The following FANCA variants were observed in gnomAD, a reference collection of about 807,000 sequenced individuals.
The protein encoded by FANCA is Fanconi anemia group A protein.
In FANCA, 236 loss-of-function variants were observed where a neutral mutation model predicts 194.3. The observed-to-expected ratio is 1.21, with a 90% CI of 1.09 to 1.35. The LOEUF is 1.35. FANCA is among the 40% of genes most tolerant of loss of function. The pLI is 0.00. For synonymous variants in FANCA, 1,014 were observed against 715.8 expected, an observed-to-expected ratio of 1.42 and a Z score of -6.65; for missense variants, 2,628 against 1,813.9, an observed-to-expected ratio of 1.45 and a Z score of -8.15.
At chr16:89,748,616 G>A (rs1441646015) in intron 33 of FANCA, 43 bp downstream of exon 33, 1 of 1,459,938 alleles carries the variant, frequency 6.8e-7, no homozygotes, top group Non-Finnish European at 9.6e-7. Flanking sequence ...TAGCGCCACA[G>A]GCACTGACAG....
Position 89,744,319 on chromosome 16 carries a change from T to C in FANCA, c.3626+640A>G, listed in dbSNP as rs17233644. Among the ~76,000 whole-genome samples, 4 of 152,194 alleles carry C rather than the reference T, an allele frequency of 2.6e-5. No homozygotes were observed. In the East Asian group the frequency reaches 7.7e-4, roughly 29 times the overall value. ...AAGGAGGCAGGATGGGTACTAGCAG[T>C]GCCCTCTGACGACCCCTTAAGAACA... On this transcript the variant is annotated intron_variant, in intron 36 of 42. Transcript: ENST00000389301.
intron 31 of FANCA, among the ~76,000 whole-genome samples, chr16:89,750,611 A>T (rs1478019393): frequency 1.3e-5 from 2 of 151,866 alleles, no homozygotes; most frequent in Admixed American, 6.6e-5. Context: ...CAACAAAATT[A>T]GCCATACAAA....
chr16:89,755,322 TGCC>T (rs76320230), intron 30 of FANCA, among the ~76,000 whole-genome samples: 9,029 of 152,060 alleles, frequency 0.059, 404 homozygotes, highest in East Asian at 0.22. Flanking sequence ...GCAAGTCTCC[TGCC>T]GCCTCAGCCT....
chr16:89,806,609 T>G (rs2040658004), intron 6 of FANCA, among the ~76,000 whole-genome samples: 1 of 152,052 alleles, frequency 6.6e-6, no homozygotes, highest in Non-Finnish European at 1.5e-5. Flanking sequence ...GCACCGCCCT[T>G]AATCCATTTA....
In FANCA at chr16:89,815,934, C is replaced by A. The variant is rs200428379; in HGVS notation, c.132G>T (p.Lys44Asn). ...KYNPERAQKL[K>N]ESAVRLLRSH... ...TTCGCAGGAGGCGCACAGCTGATTC[C>A]TTTAATTTCTGTGCCCTTTCAGGAT... The change falls in exon 2 of 43, where the codon AAG becomes AAT. Residue 44 changes from lysine to asparagine, a missense_variant. Transcript: ENST00000389301. The A allele has an allele frequency of 3.1e-6, 5 of 1,614,150 alleles. No individual in the cohort carries two copies. The highest frequency in any genetic ancestry group is 1.6e-4 in the Middle Eastern group (1 of 6,062).
intron 11 of FANCA, among the ~76,000 whole-genome samples, chr16:89,793,309 G>C (rs527815517): frequency 6.6e-6 from 1 of 152,158 alleles, no homozygotes; most frequent in African/African-American, 2.4e-5. Flanking sequence ...TGGTGGCCCT[G>C]TCCGGGCATA....
intron 29 of FANCA, among the ~76,000 whole-genome samples, chr16:89,760,095 A>G (rs912895649): frequency 2.0e-5 from 3 of 152,234 alleles, no homozygotes; most frequent in Non-Finnish European, 2.9e-5. Context: ...TTCAGAAAAG[A>G]AAGAAAATCC....
chr16:89,763,440 T>C (rs966143847), intron 28 of FANCA, among the ~76,000 whole-genome samples: 1 of 151,838 alleles, frequency 6.6e-6, no homozygotes, highest in Non-Finnish European at 1.5e-5. Flanking sequence ...CCTCCCAAAG[T>C]GCTGGGATTA....
At chr16:89,754,235 CAAA>C (rs2038696162) in intron 30 of FANCA, among the ~76,000 whole-genome samples, 1 of 144,740 alleles carries the variant, frequency 6.9e-6, no homozygotes, top group Non-Finnish European at 1.6e-5. Flanking sequence ...AAAAAAAAAA[CAAA>C]ACAAAACAAC....
rs555548402 is a variant in FANCA, at chr16:89,778,681, A to G, written c.1826+120T>C. ...AAGTAACCAACCAATTTTGGAGCCA[A>G]TATTTTACCAATAAAACACAATAGT... On this transcript the variant is annotated intron_variant, in intron 20 of 42. Coordinates refer to ENST00000389301, the MANE Select transcript of FANCA (RefSeq NM_000135.4). The G allele has an allele frequency of 1.7e-5, 15 of 876,512 alleles. No homozygotes were observed. In the African/African-American group the frequency reaches 1.9e-4, roughly 11 times the overall value. The allele number at this position is 876,512 out of a possible 1,614,324, so 54.3% of individuals were successfully genotyped here.
chr16:89,803,642 G>A (rs1203055190), intron 7 of FANCA, among the ~76,000 whole-genome samples: 7 of 116,246 alleles, frequency 6.0e-5, no homozygotes, highest in Non-Finnish European at 1.2e-4. Flanking sequence ...TTTTTTTTGT[G>A]AGACGGAGGC....
intron 5 of FANCA, among the ~76,000 whole-genome samples, chr16:89,810,306 G>C (rs1299398454): frequency 4.1e-5 from 6 of 146,896 alleles, no homozygotes; most frequent in African/African-American, 1.5e-4. Flanking sequence ...CTGTGCGACA[G>C]AGCGAGACTT....
At chr16:89,813,059 T>C (rs2040962714) in intron 3 of FANCA, among the ~76,000 whole-genome samples, 1 of 149,558 alleles carries the variant, frequency 6.7e-6, no homozygotes, top group Non-Finnish European at 1.5e-5. Flanking sequence ...AATTTTACAA[T>C]AGTTCTAGAA....
rs1466854784 is a variant in FANCA at position 89,769,497 on chromosome 16, G to A, written c.2504+340C>T. ...GGGGTGCCGAAGAACCTGACCAGAG[G>A]GAGCTGGTCCAACCAAGGGCCAGAC... On this transcript the variant is annotated intron_variant, in intron 26 of 42. Transcript: ENST00000389301. Among the ~76,000 whole-genome samples, 4 of 152,172 alleles carry A rather than the reference G, an allele frequency of 2.6e-5. No homozygotes were observed. The East Asian group carries it at 7.7e-4, about 29-fold the overall frequency.
In FANCA at chr16:89,767,234, A is replaced by C. The variant is rs1189321524; in HGVS notation, c.2508T>G (p.Phe836Leu). 1 of 1,606,186 alleles carries C rather than the reference A, an allele frequency of 6.2e-7. No homozygotes were observed. The highest frequency in any genetic ancestry group is 1.7e-5 in the Admixed American group (1 of 60,030). Residue 836 changes from phenylalanine to leucine, a missense_variant, in exon 27 of 43, where the codon TTT becomes TTG. Phe to Leu is a conservative substitution (Grantham distance 22). Transcript: ENST00000389301. Reference protein sequence around the residue: ...TRDSLFFCLKFCTAAISYSLC... With the variant: ...TRDSLFFCLKLCTAAISYSLC... ...GAGAGTAAGAAATTGCTGCTGTACA[A>C]AATCTGAAAACAGAAATTATAACAT...
chr16:89,779,741 T>G, intron 18 of FANCA, 128 bp downstream of exon 18: 1 of 802,258 alleles, frequency 1.2e-6, no homozygotes, highest in Non-Finnish European at 2.1e-6. Context: ...CCCCAGACGC[T>G]GGCAGGCATC....
chr16:89,739,928 C>G (rs776845842), intron 39 of FANCA, 66 bp downstream of exon 39: 10 of 1,604,894 alleles, frequency 6.2e-6, no homozygotes, highest in Non-Finnish European at 8.5e-6. Flanking sequence ...TCGTTCTTAA[C>G]CATTTGCAAG....
chr16:89,804,909 T>A (rs1357602297), intron 7 of FANCA, among the ~76,000 whole-genome samples: 2 of 151,812 alleles, frequency 1.3e-5, no homozygotes, highest in Non-Finnish European at 2.9e-5. Context: ...TGGTGCCACG[T>A]GCCTGCAGTC....
intron 29 of FANCA, among the ~76,000 whole-genome samples, chr16:89,761,420 GAA>G (rs56659330): frequency 6.3e-5 from 6 of 95,706 alleles, no homozygotes; most frequent in Non-Finnish European, 6.6e-5. Context: ...CTCTGTCTCA[GAA>G]AAAAAAAAAA....
Sources: gnomAD v4.1 joint callset for allele counts (sites outside exome capture counted in the v4.1 genomes callset) on GRCh38, gnomAD v4.1.1 for gene constraint, MANE v1.5 for transcripts, NCBI Gene and HGNC (gene_info 2026-07-23, HGNC 2026-07-21) for gene names.